The following BAIAP2 variants were observed in gnomAD, a reference collection of about 807,000 sequenced individuals.
The protein encoded by BAIAP2 is BAR/IMD domain-containing adapter protein 2.
Under a neutral mutation model 63.0 loss-of-function variants are expected in BAIAP2, and 18 were observed. That is an observed-to-expected ratio of 0.29 (90% CI 0.20 to 0.42). BAIAP2 has a LOEUF of 0.42. Ranked by LOEUF, BAIAP2 falls within the 10% of genes least tolerant of loss-of-function variation. The pLI, the probability that BAIAP2 is intolerant of heterozygous loss-of-function variation, is 1.00. For synonymous variants in BAIAP2, 386 were observed against 307.6 expected (o/e 1.25, Z -2.67); for missense variants, 610 against 734.3 (o/e 0.83, Z 1.96).
rs775822756 is a variant in BAIAP2, at chr17:81,046,833, G to A, written c.55-6835G>A. Among the ~76,000 whole-genome samples the A allele has an allele frequency of 1.3e-5, 2 of 152,158 alleles. No homozygotes were observed. Among genetic ancestry groups the A allele is most frequent in the East Asian group, 3.9e-4 (2 of 5,172 alleles). On this transcript the variant is annotated intron_variant, in intron 1 of 13. Coordinates refer to ENST00000428708, the MANE Select transcript of BAIAP2 (RefSeq NM_001144888.2). The surrounding 1 kb of genome is among the most constrained non-coding windows in gnomAD (Gnocchi z 4.5). Reference sequence around the variant, plus strand: ...CTAGGCAGAGTCCCGTCAAGTCTACGTGGACCAGAGTCGTGGGTGCTGTGA... The same window carrying A: ...CTAGGCAGAGTCCCGTCAAGTCTACATGGACCAGAGTCGTGGGTGCTGTGA...
intron 3 of BAIAP2, chr17:81,083,369 G>A (rs888491376): frequency 2.0e-5 from 3 of 152,294 alleles, no homozygotes; most frequent in Non-Finnish European, 2.9e-5. Flanking sequence ...GCCAGCAGCA[G>A]GGGCGGCCCT....
chr17:81,102,800 C>A (rs1178167274), intron 7 of BAIAP2, among the ~76,000 whole-genome samples: 1 of 152,190 alleles, frequency 6.6e-6, no homozygotes, highest in Non-Finnish European at 1.5e-5. Flanking sequence ...TGGCCCACAG[C>A]TTAAGGGTCT....
intron 3 of BAIAP2, among the ~76,000 whole-genome samples, chr17:81,084,411 G>T (rs1445625402): frequency 6.6e-6 from 1 of 152,208 alleles, no homozygotes; most frequent in African/African-American, 2.4e-5. Context: ...GTGCGCTGTG[G>T]TGTGGGGTCA....
chr17:81,057,969 T>TGCGGGGGGGGGGGGGGGGGGGGGGGGGG lies in BAIAP2; in HGVS notation c.217+3_217+4insCGGGGGGGGGGGGGGGGGGGGGGGGGGG. On this transcript the variant is annotated splice_region_variant and intron_variant, in intron 3 of 13. Transcript: ENST00000428708. Reference sequence around the variant, plus strand: ...AGAGCCAGGGCTCCAAAGAACTCGGTGAGACCCCCCCCCCCCCCCCGCCTG... The same window carrying TGCGGGGGGGGGGGGGGGGGGGGGGGGGG: ...AGAGCCAGGGCTCCAAAGAACTCGGTGCGGGGGGGGGGGGGGGGGGGGGGGGGGGAGACCCCCCCCCCCCCCCCGCCTG... The TGCGGGGGGGGGGGGGGGGGGGGGGGGGG allele has an allele frequency of 3.1e-6, 3 of 964,866 alleles. No individual in the cohort carries two copies. Among genetic ancestry groups the TGCGGGGGGGGGGGGGGGGGGGGGGGGGG allele is most frequent in the Non-Finnish European group, 1.4e-6 (1 of 713,586 alleles). 59.8% of individuals were successfully genotyped at this position (964,866 alleles called of 1,614,324 possible).
intron 3 of BAIAP2, among the ~76,000 whole-genome samples, chr17:81,066,351 C>T (rs1461638142): frequency 6.6e-6 from 1 of 152,238 alleles, no homozygotes; most frequent in East Asian, 1.9e-4. Context: ...GGGGCATTGT[C>T]CCTGCCTGAA....
At chr17:81,053,407 C>T (rs760004477) in intron 1 of BAIAP2, 21 of 516,012 alleles carry the variant, frequency 4.1e-5, no homozygotes, top group Non-Finnish European at 6.3e-5. Context: ...TCCTTCAGCC[C>T]GCAGACACTC....
intron 1 of BAIAP2, among the ~76,000 whole-genome samples, chr17:81,044,559 C>T (rs541689930): frequency 4.6e-5 from 7 of 152,334 alleles, no homozygotes; most frequent in Non-Finnish European, 7.3e-5. Flanking sequence ...TGCGCGATGC[C>T]GGGGCTTAGA....
intron 7 of BAIAP2, among the ~76,000 whole-genome samples, chr17:81,102,193 G>T (rs1224489026): frequency 6.6e-6 from 1 of 151,340 alleles, no homozygotes; most frequent in South Asian, 2.1e-4. Context: ...AGGGTGTGAG[G>T]GCAGCCTCCC....
At chr17:81,073,202 G>T (rs751664975) in intron 3 of BAIAP2, among the ~76,000 whole-genome samples, 13 of 152,130 alleles carry the variant, frequency 8.5e-5, no homozygotes, top group Non-Finnish European at 1.5e-4. Context: ...CTCAGAGATC[G>T]AAGCCTCCTT....
chr17:81,040,155 T>C (rs1489303522), intron 1 of BAIAP2, among the ~76,000 whole-genome samples: 1 of 152,234 alleles, frequency 6.6e-6, no homozygotes, highest in Non-Finnish European at 1.5e-5. Flanking sequence ...GGCTGGCTCC[T>C]GTCCTTCCTT....
intron 13 of BAIAP2, among the ~76,000 whole-genome samples, chr17:81,113,481 C>A (rs1220222585): frequency 6.6e-6 from 1 of 152,244 alleles, no homozygotes; most frequent in Non-Finnish European, 1.5e-5. Flanking sequence ...GAGCTCCCCG[C>A]CGGCCTCCTG....
intron 3 of BAIAP2, among the ~76,000 whole-genome samples, chr17:81,068,575 C>A (rs2051950640): frequency 6.6e-6 from 1 of 152,242 alleles, no homozygotes; most frequent in South Asian, 2.1e-4. Flanking sequence ...GACCCAAGGA[C>A]CCCGCAGTCA....
intron 13 of BAIAP2, among the ~76,000 whole-genome samples, chr17:81,115,157 C>T (rs1402860743): frequency 9.2e-5 from 14 of 152,188 alleles, no homozygotes; most frequent in Non-Finnish European, 2.9e-5. Flanking sequence ...TGGGGGAGGG[C>T]GCGGCACCCC....
intron 2 of BAIAP2, chr17:81,057,674 G>A: frequency 7.3e-7 from 1 of 1,369,402 alleles, no homozygotes. Context: ...ACGAGTCAAG[G>A]GAGCTCTCAT....
chr17:81,105,206 A>ACATGGCTGTTGTCTTCCCC (rs1481359240), intron 10 of BAIAP2: 29 of 165,576 alleles, frequency 1.8e-4, no homozygotes, highest in Non-Finnish European at 3.2e-4. Context: ...GGTCTCCCCC[A>ACATGGCTGTTGTCTTCCCC]CATGGCTGTT....
intron 3 of BAIAP2, among the ~76,000 whole-genome samples, chr17:81,058,562 A>C (rs187590601): frequency 6.6e-6 from 1 of 152,314 alleles, no homozygotes; most frequent in Non-Finnish European, 1.5e-5. Flanking sequence ...CTCACCTAGC[A>C]GGGTGGTGCT....
chr17:81,037,628 C>T (rs918607446), intron 1 of BAIAP2, among the ~76,000 whole-genome samples: 7 of 152,252 alleles, frequency 4.6e-5, no homozygotes, highest in Non-Finnish European at 8.8e-5. Context: ...TCTCCTGGGA[C>T]GGTGCTGCCT....
chr17:81,105,959 C>G (rs943215379), intron 10 of BAIAP2, 119 bp from the exon 11 acceptor site: 1 of 834,184 alleles, frequency 1.2e-6, no homozygotes, highest in Admixed American at 2.3e-5. Flanking sequence ...CTCTGTTGCT[C>G]CAGAGACAGC....
At chr17:81,081,508 CTG>C (rs1003687222) in intron 3 of BAIAP2, among the ~76,000 whole-genome samples, 46 of 152,298 alleles carry the variant, frequency 3.0e-4, no homozygotes, top group African/African-American at 1.1e-3. Context: ...CTTGTGGGGT[CTG>C]TGCTGCTGGC....
Sources: allele counts gnomAD v4.1 joint callset (sites outside exome capture counted in the v4.1 genomes callset), GRCh38; gene constraint gnomAD v4.1.1; non-coding constraint Gnocchi (gnomAD v3.1); transcripts MANE v1.5; gene names NCBI Gene and HGNC (gene_info 2026-07-23, HGNC 2026-07-21).